The following LYPD6 variants were observed in gnomAD, a reference collection of about 807,000 sequenced individuals.
The protein encoded by LYPD6 is ly6/PLAUR domain-containing protein 6.
Under a neutral mutation model 22.7 loss-of-function variants are expected in LYPD6, and 15 were observed. The observed-to-expected ratio is 0.66, with a 90% CI of 0.44 to 1.02. The LOEUF (loss-of-function observed/expected upper bound fraction) is 1.02, where lower values mean the gene tolerates loss of function less well. LYPD6 is among the 50% of genes least tolerant of loss of function. The probability of loss-of-function intolerance (pLI) is 0.00; values close to 1 mark genes in which losing one functional copy is unlikely to be tolerated. For missense variants in LYPD6, 189 were observed against 208.4 expected, an observed-to-expected ratio of 0.91 and a Z score of 0.57; for synonymous variants, 72 against 77.5, an observed-to-expected ratio of 0.93 and a Z score of 0.37.
At chr2:149,452,186 T>TA (rs1274293477) in intron 3 of LYPD6, among the ~76,000 whole-genome samples, 1 of 152,010 alleles carries the variant, frequency 6.6e-6, no homozygotes, top group Non-Finnish European at 1.5e-5. Context: ...AGCAACTAGT[T>TA]TGTATGAGAG....
At chr2:149,406,157 T>C (rs988528523) in intron 1 of LYPD6, among the ~76,000 whole-genome samples, 2 of 149,758 alleles carry the variant, frequency 1.3e-5, no homozygotes, top group African/African-American at 2.4e-5. Context: ...CTTCCAAGTA[T>C]GTGGTCAATT....
At chr2:149,371,365 GA>G (rs1368839041) in intron 1 of LYPD6, among the ~76,000 whole-genome samples, 1 of 152,160 alleles carries the variant, frequency 6.6e-6, no homozygotes, top group Non-Finnish European at 1.5e-5. Flanking sequence ...GGCTAAGTGA[GA>G]ATTACTAGCA....
At chr2:149,416,846 T>G (rs561644363) in intron 1 of LYPD6, among the ~76,000 whole-genome samples, 48 of 152,302 alleles carry the variant, frequency 3.2e-4, no homozygotes, top group African/African-American at 1.0e-3. Flanking sequence ...ACCTGCACAT[T>G]TAGAAGGCAG....
intron 1 of LYPD6, among the ~76,000 whole-genome samples, chr2:149,354,824 C>T (rs1032156341): frequency 1.3e-5 from 2 of 152,152 alleles, no homozygotes; most frequent in African/African-American, 4.8e-5. Flanking sequence ...AGCAGCTAAC[C>T]TTGGCGATAT....
intron 1 of LYPD6, among the ~76,000 whole-genome samples, chr2:149,418,553 C>T (rs1402680730): frequency 6.6e-6 from 1 of 150,770 alleles, no homozygotes; most frequent in African/African-American, 2.5e-5. Flanking sequence ...AAACCAACTT[C>T]TAACATATGG....
At chr2:149,408,282 T>C (rs1337057846) in intron 1 of LYPD6, among the ~76,000 whole-genome samples, 1 of 152,134 alleles carries the variant, frequency 6.6e-6, no homozygotes, top group Non-Finnish European at 1.5e-5. Flanking sequence ...GACAGGGACA[T>C]TTTCAATATG....
At chr2:149,409,276 C>T (rs891533808) in intron 1 of LYPD6, among the ~76,000 whole-genome samples, 16 of 152,256 alleles carry the variant, frequency 1.1e-4, no homozygotes, top group African/African-American at 2.9e-4. Context: ...GTCTTGCAGC[C>T]GTGGATACCA....
intron 1 of LYPD6, among the ~76,000 whole-genome samples, chr2:149,414,841 T>C (rs1189815330): frequency 6.6e-6 from 1 of 152,200 alleles, no homozygotes; most frequent in Non-Finnish European, 1.5e-5. Flanking sequence ...GTGGAGGTCA[T>C]GTTGAGGCTG....
chr2:149,446,452 A>G (rs1683690211), intron 2 of LYPD6, among the ~76,000 whole-genome samples: 1 of 152,230 alleles, frequency 6.6e-6, no homozygotes. Context: ...CCCTTACCAA[A>G]ATAGAACCTT....
Position 149,439,285 on chromosome 2 carries a change from G to A in LYPD6, c.118+1459G>A, listed in dbSNP as rs150237296. Among the ~76,000 whole-genome samples the A allele has an allele frequency of 2.3e-3, 357 of 152,240 alleles. 1 individual carries two copies. Among genetic ancestry groups the A allele is most frequent in the Non-Finnish European group, 4.0e-3 (272 of 68,008 alleles). On this transcript the variant is annotated intron_variant, in intron 2 of 4. Transcript: ENST00000334166. Reference sequence around the variant, plus strand: ...ATAGTCTGGTGCCCACTGGTTAATCGTATGGAAGACTTATCTGGCTGCTTG... The same window carrying A: ...ATAGTCTGGTGCCCACTGGTTAATCATATGGAAGACTTATCTGGCTGCTTG...
intron 1 of LYPD6, among the ~76,000 whole-genome samples, chr2:149,387,983 G>T (rs1682225163): frequency 6.6e-6 from 1 of 152,050 alleles, no homozygotes; most frequent in Non-Finnish European, 1.5e-5. Context: ...TTTGCAGTTG[G>T]GACTTACATG....
intron 1 of LYPD6, among the ~76,000 whole-genome samples, chr2:149,360,104 T>C (rs1196703): frequency 0.57 from 86,134 of 152,080 alleles, 26,904 homozygotes; most frequent in East Asian, 0.9. Context: ...AACTTCCTGA[T>C]GTTGCTATGG....
rs190276225 is a variant in LYPD6, at chr2:149,431,582, G to A, written c.-71-6056G>A. ...ATTTACTGCAGGAATGTAAACAGTCGGTGATATGAATAAACAGTCCTGCCC... is the reference window on the plus strand; with the variant it reads ...ATTTACTGCAGGAATGTAAACAGTCAGTGATATGAATAAACAGTCCTGCCC... On this transcript the variant is annotated intron_variant, in intron 1 of 4. Coordinates refer to ENST00000334166, the MANE Select transcript of LYPD6 (RefSeq NM_194317.5). 1.8e-4 allele frequency among the ~76,000 whole-genome samples: 28 copies of A among 152,218 alleles called. 1 individual carries two copies. Among genetic ancestry groups the A allele is most frequent in the Admixed American group, 1.7e-3 (26 of 15,276 alleles).
At chr2:149,401,985 C>T (rs1020689630) in intron 1 of LYPD6, among the ~76,000 whole-genome samples, 11 of 151,906 alleles carry the variant, frequency 7.2e-5, no homozygotes, top group Non-Finnish European at 1.5e-4. Context: ...TTCTGAGTTA[C>T]TTCACTTAGA....
At chr2:149,425,478 T>G (rs1573797495) in intron 1 of LYPD6, among the ~76,000 whole-genome samples, 2 of 152,130 alleles carry the variant, frequency 1.3e-5, no homozygotes, top group South Asian at 4.1e-4. Flanking sequence ...AGGAGGACAA[T>G]TTTCTTATCC....
chr2:149,444,581 C>G (rs1263934781), intron 2 of LYPD6, among the ~76,000 whole-genome samples: 2 of 152,194 alleles, frequency 1.3e-5, no homozygotes, highest in Admixed American at 6.5e-5. Flanking sequence ...CTATGATGTT[C>G]TAAATCCTTT....
At chr2:149,350,101 C>A (rs1483731091) in intron 1 of LYPD6, among the ~76,000 whole-genome samples, 3 of 152,150 alleles carry the variant, frequency 2.0e-5, no homozygotes, top group Non-Finnish European at 4.4e-5. Flanking sequence ...CCCTGCATTC[C>A]TTTTTGATAC....
downstream of LYPD6, among the ~76,000 whole-genome samples, chr2:149,477,317 T>G (rs1405491830): frequency 6.6e-6 from 1 of 151,846 alleles, no homozygotes; most frequent in East Asian, 1.9e-4. Flanking sequence ...TAAAGTCAGA[T>G]CATCTTGAAA....
intron 2 of LYPD6, among the ~76,000 whole-genome samples, chr2:149,448,155 T>C (rs1683728501): frequency 6.6e-6 from 1 of 152,166 alleles, no homozygotes; most frequent in Non-Finnish European, 1.5e-5. Context: ...TAGCCGGGTA[T>C]AGTGGCACAT....
Sources: gnomAD v4.1 joint callset for allele counts (sites outside exome capture counted in the v4.1 genomes callset) on GRCh38, gnomAD v4.1.1 for gene constraint, MANE v1.5 for transcripts, NCBI Gene and HGNC (gene_info 2026-07-23, HGNC 2026-07-21) for gene names.